Variants in OPN4 observed in about 807,000 individuals in gnomAD.
OPN4 encodes the protein melanopsin.
Under a neutral mutation model 49.5 loss-of-function variants are expected in OPN4, and 43 were observed. That is an observed-to-expected ratio of 0.87 (90% CI 0.68 to 1.12). OPN4 has a LOEUF of 1.12. OPN4 is among the 50% of genes most tolerant of loss of function. OPN4 has a pLI of 0.00. For missense variants in OPN4, 657 were observed against 643.9 expected (o/e 1.02, Z -0.22); for synonymous variants, 263 against 258.0 (o/e 1.02, Z -0.19).
intron 9 of OPN4, 86 bp from the exon 10 acceptor site, chr10:86,665,627 G>A (rs564078437): frequency 2.7e-5 from 31 of 1,147,448 alleles, no homozygotes; most frequent in African/African-American, 9.1e-5. Context: ...CCCACTGCTC[G>A]GTGACCCAGT....
At position 86,662,462 on chromosome 10, in the gene OPN4, G is replaced by A. The variant is rs55664627; in HGVS notation, c.1254+30G>A. On this transcript the variant is annotated intron_variant, in intron 8 of 9. Transcript: ENST00000241891. The stretch of plus-strand genomic sequence containing the variant: ...GGATGCTGGGCCCTCACCAGCTTGC[G>A]CCTGGCCATCCCTTCCTCAGGCAGC... The A allele has an allele frequency of 1.6e-3, 2,409 of 1,534,140 alleles. 7 individuals are homozygous for A. Among genetic ancestry groups the A allele is most frequent in the South Asian group, 4.7e-3 (392 of 83,802 alleles).
intron 7 of OPN4, among the ~76,000 whole-genome samples, chr10:86,661,860 G>A (rs868515341): frequency 6.6e-6 from 1 of 152,116 alleles, no homozygotes; most frequent in Non-Finnish European, 1.5e-5. Flanking sequence ...GCCTGGTGAT[G>A]TCAGTCACTC....
At chr10:86,657,154 C>G (rs764958685) in intron 2 of OPN4, 1 of 779,584 alleles carries the variant, frequency 1.3e-6, no homozygotes, top group East Asian at 2.4e-5. Flanking sequence ...CTGGGCACGT[C>G]ATTTCTCCTC....
At chr10:86,660,266 T>C (rs886446445) in intron 6 of OPN4, among the ~76,000 whole-genome samples, 1 of 152,214 alleles carries the variant, frequency 6.6e-6, no homozygotes, top group Non-Finnish European at 1.5e-5. Flanking sequence ...CCAGGGCACA[T>C]GCAGAGGAGC....
At chr10:86,661,619 C>T (rs1423373400) in intron 7 of OPN4, among the ~76,000 whole-genome samples, 1 of 152,068 alleles carries the variant, frequency 6.6e-6, no homozygotes, top group Non-Finnish European at 1.5e-5. Flanking sequence ...TGGGCAGTGT[C>T]CAGTCCTAAC....
chr10:86,661,114 C>T (rs79383760), intron 6 of OPN4, among the ~76,000 whole-genome samples, 167 bp from the exon 7 acceptor site: 1 of 146,492 alleles, frequency 6.8e-6, no homozygotes, highest in Non-Finnish European at 1.5e-5. Flanking sequence ...GGCGACAGAG[C>T]AAAAAAAAAA....
chr10:86,665,985 A>G lies in OPN4; in HGVS notation c.*234A>G. 3.5e-6 allele frequency: 2 copies of G among 567,490 alleles called. No individual in the cohort carries two copies. The highest frequency in any genetic ancestry group is 4.3e-5 in the South Asian group (2 of 46,292). 35.2% of individuals were successfully genotyped at this position (567,490 alleles called of 1,614,324 possible). ...AGCTCAGCAGCCGCACCCGAGGCTC[A>G]GCCTGAGGGGTATGTGCCCAGGCCC... On this transcript the variant is annotated 3_prime_UTR_variant, in exon 10 of 10. Transcript: ENST00000241891.
chr10:86,659,751 G>T (rs560483824), intron 5 of OPN4, 144 bp from the exon 6 acceptor site: 407 of 902,956 alleles, frequency 4.5e-4, no homozygotes, highest in Non-Finnish European at 6.3e-4. Context: ...CTTTCTGGAA[G>T]TCAGGGCTGC....
At position 86,663,787 on chromosome 10, in the gene OPN4, A is replaced by G. The variant is rs111314955; in HGVS notation, c.1383A>G (p.Ala461=). Residue 461 remains alanine (A), a synonymous_variant, in exon 9 of 10, where the codon GCA becomes GCG. Transcript: ENST00000241891. The part of the protein sequence containing the change: ...KAPPRPQGHE[A]ETPGKTKGLI... ...CCCCCAGACCCCAGGGACACGAAGC[A>G]GAGACTCCAGGGAAGGTGACTGGGC... The G allele has an allele frequency of 1.9e-4, 296 of 1,554,134 alleles. No individual in the cohort carries two copies. The African/African-American group carries it at 3.5e-3, about 18-fold the overall frequency.
At chr10:86,660,131 C>T in intron 6 of OPN4, 72 bp downstream of exon 6, 1 of 1,548,480 alleles carries the variant, frequency 6.5e-7, no homozygotes, top group Non-Finnish European at 8.9e-7. Flanking sequence ...TGGCCAGCCT[C>T]TCCTTCCCAG....
At position 86,666,125 on chromosome 10, in the gene OPN4, C is replaced by A; in HGVS notation, c.*374C>A. On this transcript the variant is annotated 3_prime_UTR_variant, in exon 10 of 10. Transcript: ENST00000241891. ...CCAGCTATTTATGAGCCTCTGCCCC[C>A]AGGCTGGGCCTGTCACTGGCATAGG... The A allele has an allele frequency of 4.0e-6, 1 of 248,472 alleles. No homozygotes were observed. Among genetic ancestry groups the A allele is most frequent in the Non-Finnish European group, 7.8e-6 (1 of 128,876 alleles). 15.4% of individuals were successfully genotyped at this position (248,472 alleles called of 1,614,324 possible). A position where few individuals can be genotyped will look rare whatever the true frequency, so the allele number is the denominator to read the frequency against.
chr10:86,665,914 A>G lies in OPN4; in HGVS notation c.*163A>G, dbSNP rs564740335. ...AGCCCCAGCCCCATGGCCCCTCTCCACACCTCAAAACTCCTGCCCCATAAC... is the reference window on the plus strand; with the variant it reads ...AGCCCCAGCCCCATGGCCCCTCTCCGCACCTCAAAACTCCTGCCCCATAAC... On this transcript the variant is annotated 3_prime_UTR_variant, in exon 10 of 10. Transcript: ENST00000241891. 10 of 608,082 alleles carry G rather than the reference A, an allele frequency of 1.6e-5. No individual in the cohort carries two copies. In the East Asian group the frequency reaches 2.5e-4, roughly 15 times the overall value. The allele number at this position is 608,082 out of a possible 1,614,324, so 37.7% of individuals were successfully genotyped here.
chr10:86,661,551 C>T (rs1039493738), intron 7 of OPN4, among the ~76,000 whole-genome samples, 163 bp downstream of exon 7: 2 of 152,120 alleles, frequency 1.3e-5, no homozygotes, highest in Admixed American at 6.5e-5. Flanking sequence ...GTTGGTGTGC[C>T]TCCCTCCCCC....
At position 86,662,346 on chromosome 10, in the gene OPN4, C is replaced by T. The variant is rs1000805825; in HGVS notation, c.1168C>T (p.Arg390Cys). ...CTACCCCAGCTACCGCTCCACCCACCGCTCCACGCTGACCAGCCACACCTC... is the reference window on the plus strand; with the variant it reads ...CTACCCCAGCTACCGCTCCACCCACTGCTCCACGCTGACCAGCCACACCTC... ...RPYPSYRSTH[R>C]STLTSHTSNL... is the part of the protein sequence containing the mutation. The change falls in exon 8 of 10, where the codon CGC (arginine) becomes TGC (cysteine). Residue 390 changes from arginine to cysteine, a missense_variant. Arg to Cys is a radical substitution (Grantham distance 180). Coordinates refer to ENST00000241891, the MANE Select transcript of OPN4 (RefSeq NM_033282.4). 22 of 1,596,480 alleles carry T rather than the reference C, an allele frequency of 1.4e-5. No individual in the cohort carries two copies. Among genetic ancestry groups the T allele is most frequent in the Middle Eastern group, 1.7e-4 (1 of 5,992 alleles).
chr10:86,658,778 C>A, intron 4 of OPN4, 91 bp downstream of exon 4: 2 of 1,411,064 alleles, frequency 1.4e-6, no homozygotes, highest in Non-Finnish European at 2.0e-6. Context: ...AGCCAGCTGG[C>A]GGGAGCAGGG....
intron 2 of OPN4, chr10:86,657,084 A>G: frequency 4.3e-6 from 3 of 694,582 alleles, no homozygotes; most frequent in East Asian, 2.6e-5. Context: ...CAGGTGGAGA[A>G]GGGAACCCAG....
chr10:86,663,026 C>T (rs1252909771), intron 8 of OPN4, among the ~76,000 whole-genome samples: 1 of 152,180 alleles, frequency 6.6e-6, no homozygotes, highest in Non-Finnish European at 1.5e-5. Context: ...CCAGGTGTGC[C>T]CAGGGATGGG....
rs200489872 is a variant in OPN4, at chr10:86,665,754, C to T, written c.*3C>T. On this transcript the variant is annotated 3_prime_UTR_variant, in exon 10 of 10. Transcript: ENST00000241891. ...CCAGCCAGGACCCCAGGATGTAGGA[C>T]GCCCACTGGCTCTCCCTTTCTTCTG... 1.2e-4 allele frequency: 191 copies of T among 1,611,746 alleles called. No homozygotes were observed. The South Asian group carries it at 1.4e-3, about 11-fold the overall frequency.
chr10:86,665,559 A>G (rs1398628555), intron 9 of OPN4, among the ~76,000 whole-genome samples, 154 bp from the exon 10 acceptor site: 2 of 151,684 alleles, frequency 1.3e-5, no homozygotes, highest in East Asian at 1.9e-4. Context: ...TGGGATGTGG[A>G]CTCTGGGAAG....
Sources: gnomAD v4.1 joint callset for allele counts (sites outside exome capture counted in the v4.1 genomes callset) on GRCh38, gnomAD v4.1.1 for gene constraint, MANE v1.5 for transcripts, NCBI Gene and HGNC (gene_info 2026-07-23, HGNC 2026-07-21) for gene names.